LRRC72: variants seen among roughly 807,000 people sequenced by gnomAD.
The protein encoded by LRRC72 is leucine-rich repeat-containing protein 72.
Under a neutral mutation model 35.8 loss-of-function variants are expected in LRRC72, and 41 were observed. That is an observed-to-expected ratio of 1.15 (90% CI 0.89 to 1.49). The LOEUF is 1.49. Ranked by LOEUF, LRRC72 falls within the 40% of genes most tolerant of loss-of-function variation. The pLI is 0.00. For synonymous variants in LRRC72, 118 were observed against 119.2 expected, an observed-to-expected ratio of 0.99 and a Z score of 0.07; for missense variants, 389 against 330.7, an observed-to-expected ratio of 1.18 and a Z score of -1.37.
At chr7:16,527,698 T>A (rs982967681) in intron 1 of LRRC72, among the ~76,000 whole-genome samples, 1 of 152,058 alleles carries the variant, frequency 6.6e-6, no homozygotes, top group African/African-American at 2.4e-5. Flanking sequence ...TCTGCAAAGA[T>A]GGGGGGCTGC....
chr7:16,571,510 G>A (rs956123952), intron 7 of LRRC72, among the ~76,000 whole-genome samples: 1 of 152,214 alleles, frequency 6.6e-6, no homozygotes, highest in African/African-American at 2.4e-5. Flanking sequence ...ACCTCACTGA[G>A]ATGGGTTAGA....
chr7:16,542,285 T>C (rs1782371084), intron 3 of LRRC72, among the ~76,000 whole-genome samples: 1 of 152,244 alleles, frequency 6.6e-6, no homozygotes, highest in Non-Finnish European at 1.5e-5. Context: ...TTACTTTCTT[T>C]TGTTTTTGAA....
chr7:16,565,238 G>T (rs1468731849), intron 5 of LRRC72, among the ~76,000 whole-genome samples: 1 of 152,162 alleles, frequency 6.6e-6, no homozygotes, highest in Non-Finnish European at 1.5e-5. Context: ...TTCGAGACCA[G>T]CCTTGCCAAC....
chr7:16,550,449 A>G (rs1245836617), intron 3 of LRRC72, among the ~76,000 whole-genome samples: 1 of 152,226 alleles, frequency 6.6e-6, no homozygotes, highest in Non-Finnish European at 1.5e-5. Context: ...TAGTCACAGA[A>G]TAAACAATAA....
intron 3 of LRRC72, among the ~76,000 whole-genome samples, chr7:16,547,324 G>T (rs1782464862): frequency 6.6e-6 from 1 of 152,138 alleles, no homozygotes; most frequent in Non-Finnish European, 1.5e-5. Context: ...GGGCAGAGAG[G>T]AGTCCCAAGG....
chr7:16,566,005 T>C (rs1583649888), intron 5 of LRRC72, among the ~76,000 whole-genome samples: 1 of 152,074 alleles, frequency 6.6e-6, no homozygotes, highest in East Asian at 1.9e-4. Flanking sequence ...TACTAACTTA[T>C]TTATGGACAT....
intron 7 of LRRC72, among the ~76,000 whole-genome samples, chr7:16,577,280 A>G (rs1300584581): frequency 6.6e-6 from 1 of 152,240 alleles, no homozygotes; most frequent in Non-Finnish European, 1.5e-5. Flanking sequence ...CTCTTTGCAC[A>G]GAAAACATTT....
chr7:16,580,050 C>A, intron 7 of LRRC72, 24 bp from the exon 8 acceptor site: 1 of 419,192 alleles, frequency 2.4e-6, no homozygotes, highest in East Asian at 9.4e-5. Flanking sequence ...AAAATACTAA[C>A]TTTAAAATGT....
intron 3 of LRRC72, among the ~76,000 whole-genome samples, chr7:16,550,686 T>C (rs964523169): frequency 6.6e-6 from 1 of 152,234 alleles, no homozygotes; most frequent in African/African-American, 2.4e-5. Flanking sequence ...TACTTTTTGA[T>C]TTTTCTCTTC....
At chr7:16,527,769 A>G (rs1782096735) in intron 1 of LRRC72, among the ~76,000 whole-genome samples, 1 of 152,120 alleles carries the variant, frequency 6.6e-6, no homozygotes, top group Admixed American at 6.5e-5. Context: ...CTAAGTCCTA[A>G]CTTGTGCCTG....
intron 5 of LRRC72, among the ~76,000 whole-genome samples, chr7:16,561,167 C>G (rs1782738656): frequency 6.6e-6 from 1 of 152,060 alleles, no homozygotes; most frequent in South Asian, 2.1e-4. Flanking sequence ...TAATAGGACT[C>G]AAATTTGAAC....
chr7:16,548,888 T>C (rs1159521014), intron 3 of LRRC72, among the ~76,000 whole-genome samples: 2 of 152,238 alleles, frequency 1.3e-5, no homozygotes, highest in Non-Finnish European at 2.9e-5. Context: ...ACTTATCAAC[T>C]TAGGTCATAA....
At chr7:16,578,553 G>C (rs925279332) in intron 7 of LRRC72, among the ~76,000 whole-genome samples, 1 of 152,142 alleles carries the variant, frequency 6.6e-6, no homozygotes, top group Non-Finnish European at 1.5e-5. Flanking sequence ...TATACTATGA[G>C]TAATAACAAA....
intron 3 of LRRC72, among the ~76,000 whole-genome samples, chr7:16,542,887 T>A (rs745886687): frequency 3.9e-5 from 6 of 152,216 alleles, no homozygotes; most frequent in Non-Finnish European, 8.8e-5. Context: ...TCCTTTCACA[T>A]TTCTAAAATC....
chr7:16,528,600 C>T (rs1782112637), intron 1 of LRRC72, among the ~76,000 whole-genome samples: 1 of 152,128 alleles, frequency 6.6e-6, no homozygotes, highest in Non-Finnish European at 1.5e-5. Flanking sequence ...CTCACACCTG[C>T]CCCCACCCTG....
chr7:16,550,275 T>C (rs1420846476), intron 3 of LRRC72, among the ~76,000 whole-genome samples: 3 of 152,154 alleles, frequency 2.0e-5, no homozygotes, highest in African/African-American at 7.2e-5. Flanking sequence ...AATGGTTCTA[T>C]CACTAACCAG....
rs546108809 is a variant in LRRC72 at position 16,559,735 on chromosome 7, G to T, written c.427+736G>T. Among the ~76,000 whole-genome samples, 8 of 152,146 alleles carry T rather than the reference G, an allele frequency of 5.3e-5. 1 individual carries two copies. The highest frequency in any genetic ancestry group is 4.2e-4 in the South Asian group (2 of 4,810). ...TTGTGACAGCTAGAGAGTAAAGGGT[G>T]TGGGGTTATTTTGGGGGTGATAAAA... On this transcript the variant is annotated intron_variant, in intron 5 of 8. Transcript: ENST00000401542.
At chr7:16,532,675 G>T in intron 2 of LRRC72, 107 bp downstream of exon 2, 1 of 844,128 alleles carries the variant, frequency 1.2e-6, no homozygotes, top group East Asian at 2.7e-5. Flanking sequence ...CTCAAGGACT[G>T]GGTAGGACTC....
intron 1 of LRRC72, among the ~76,000 whole-genome samples, chr7:16,531,581 C>T (rs1368418291): frequency 2.0e-5 from 3 of 152,084 alleles, no homozygotes; most frequent in Non-Finnish European, 4.4e-5. Flanking sequence ...ATAACAAATC[C>T]CAGCTAAAAT....
Sources: allele counts gnomAD v4.1 joint callset (sites outside exome capture counted in the v4.1 genomes callset), GRCh38; gene constraint gnomAD v4.1.1; transcripts MANE v1.5; gene names NCBI Gene and HGNC (gene_info 2026-07-23, HGNC 2026-07-21).